Variants in RABL3 observed in about 807,000 individuals in gnomAD.
RABL3 encodes RAB, member of RAS oncogene family like 3.
RABL3 carries 31 observed loss-of-function variants against 31.8 expected under a neutral mutation model. That is an observed-to-expected ratio of 0.97 (90% confidence interval 0.73 to 1.31). The LOEUF (loss-of-function observed/expected upper bound fraction) is 1.31. Ranked by LOEUF, RABL3 falls within the 40% of genes most tolerant of loss-of-function variation. RABL3 has a pLI of 0.00. For missense variants in RABL3, 263 were observed against 279.6 expected (o/e 0.94, Z 0.42); for synonymous variants, 97 against 99.9 (o/e 0.97, Z 0.18).
upstream of RABL3, chr3:120,742,667 C>T (rs540992887): frequency 1.4e-5 from 10 of 704,936 alleles, no homozygotes; most frequent in Admixed American, 1.5e-4. Flanking sequence ...TAAAAGGTAG[C>T]GGGGTGCTTC....
At chr3:120,723,464 C>T (rs891071769) in intron 2 of RABL3, among the ~76,000 whole-genome samples, 1 of 152,158 alleles carries the variant, frequency 6.6e-6, no homozygotes, top group African/African-American at 2.4e-5. Context: ...CAGCATCATC[C>T]TGATACCAAA....
intron 1 of RABL3, among the ~76,000 whole-genome samples, chr3:120,736,325 T>C (rs922973248): frequency 6.6e-6 from 1 of 152,238 alleles, no homozygotes; most frequent in African/African-American, 2.4e-5. Context: ...TTTTGATCTT[T>C]GTTGTTTAAA....
chr3:120,705,751 A>G (rs1318033222), intron 4 of RABL3, among the ~76,000 whole-genome samples: 6 of 152,228 alleles, frequency 3.9e-5, no homozygotes, highest in Non-Finnish European at 1.5e-5. Context: ...GAAAACCTGC[A>G]TCATCTAGGA....
intron 1 of RABL3, among the ~76,000 whole-genome samples, chr3:120,737,351 T>G (rs1404337886): frequency 6.6e-6 from 1 of 152,220 alleles, no homozygotes; most frequent in Non-Finnish European, 1.5e-5. Flanking sequence ...ACGTAGTTCT[T>G]GTGCCATGGT....
intron 5 of RABL3, among the ~76,000 whole-genome samples, chr3:120,695,295 G>C (rs2107575658): frequency 6.6e-6 from 1 of 152,144 alleles, no homozygotes; most frequent in South Asian, 2.1e-4. Context: ...ACAAAAAAGA[G>C]AGGCTACAAC....
rs1559827274 is a variant in RABL3, at chr3:120,742,487, C to CA, written c.20dup (p.Lys8GlufsTer42). 2 of 1,614,222 alleles carry CA rather than the reference C, an allele frequency of 1.2e-6. No homozygotes were observed. The highest frequency in any genetic ancestry group is 1.7e-6 in the Non-Finnish European group (2 of 1,180,028). ...CTGAGTCTCCCAACACCAGTACCTTCACCCGATCCAGGGACGCCATCTTGC... is the reference window on the plus strand; with the variant it reads ...CTGAGTCTCCCAACACCAGTACCTTCAACCCGATCCAGGGACGCCATCTTGC... On this transcript the variant is annotated frameshift_variant, in exon 1 of 8. Coordinates refer to ENST00000273375, the MANE Select transcript of RABL3 (RefSeq NM_173825.5). LOFTEE classifies it high-confidence loss of function.
At chr3:120,726,007 G>C (rs6772101) in intron 2 of RABL3, among the ~76,000 whole-genome samples, 29,969 of 151,742 alleles carry the variant, frequency 0.2, 4,616 homozygotes, top group East Asian at 0.48. Flanking sequence ...TTATGGAGGC[G>C]GGGGTCTCAC....
chr3:120,708,624 G>GTT (rs1229946243), intron 3 of RABL3, among the ~76,000 whole-genome samples: 5 of 151,816 alleles, frequency 3.3e-5, no homozygotes, highest in African/African-American at 4.8e-5. Context: ...TCTCTAAGAG[G>GTT]TCACCTCACA....
intron 2 of RABL3, among the ~76,000 whole-genome samples, chr3:120,725,668 A>T (rs563466869): frequency 2.0e-5 from 3 of 152,186 alleles, no homozygotes; most frequent in South Asian, 2.1e-4. Context: ...GAAGCTGGAA[A>T]CCATCATTCT....
intron 2 of RABL3, among the ~76,000 whole-genome samples, chr3:120,715,487 A>T (rs2107585750): frequency 6.6e-6 from 1 of 152,262 alleles, no homozygotes; most frequent in East Asian, 1.9e-4. Flanking sequence ...CAGTGAGCCG[A>T]TATGGTGCCA....
chr3:120,730,616 AGTACT>A, intron 2 of RABL3, 75 bp downstream of exon 2: 2 of 941,878 alleles, frequency 2.1e-6, no homozygotes. Context: ...TCTTGACCAT[AGTACT>A]GTAATTTGAT....
At chr3:120,713,032 A>AT (rs1299540145) in intron 2 of RABL3, among the ~76,000 whole-genome samples, 12 of 151,538 alleles carry the variant, frequency 7.9e-5, no homozygotes, top group African/African-American at 2.2e-4. Flanking sequence ...GCAGTACACC[A>AT]TTTTTTTTCT....
chr3:120,689,641 G>C lies in RABL3; in HGVS notation c.*182C>G, dbSNP rs905741378. 3 of 541,208 alleles carry C rather than the reference G, an allele frequency of 5.5e-6. No homozygotes were observed. Among genetic ancestry groups the C allele is most frequent in the African/African-American group, 1.9e-5 (1 of 53,042 alleles). 33.5% of individuals were successfully genotyped at this position (541,208 alleles called of 1,614,324 possible). On this transcript the variant is annotated 3_prime_UTR_variant, in exon 8 of 8. Transcript: ENST00000273375. ...AGAAAGGTAAGGAACACAGAGAACA[G>C]GGACAAAGTTTGGACCTCCCGTATT... is the stretch of plus-strand genomic sequence containing the variant.
intron 2 of RABL3, chr3:120,722,498 C>T (rs1474882172): frequency 1.3e-5 from 2 of 152,156 alleles, no homozygotes; most frequent in African/African-American, 4.8e-5. Flanking sequence ...GATGCCACAT[C>T]CCCTATAACA....
At chr3:120,723,566 C>T (rs531170296) in intron 2 of RABL3, among the ~76,000 whole-genome samples, 2 of 152,186 alleles carry the variant, frequency 1.3e-5, no homozygotes, top group East Asian at 1.9e-4. Flanking sequence ...ACTGGCAAAC[C>T]GAATCCAGCA....
At chr3:120,704,331 A>G (rs1034244402) in intron 4 of RABL3, among the ~76,000 whole-genome samples, 12 of 152,244 alleles carry the variant, frequency 7.9e-5, no homozygotes, top group African/African-American at 2.9e-4. Context: ...GTCCATATCA[A>G]TTGATGCAGA....
chr3:120,721,124 T>G (rs1028865917), intron 2 of RABL3, among the ~76,000 whole-genome samples: 6 of 152,056 alleles, frequency 3.9e-5, no homozygotes, highest in African/African-American at 7.2e-5. Flanking sequence ...ACTTTACAGA[T>G]AAGCAAATGC....
At chr3:120,715,549 A>G (rs1244110409) in intron 2 of RABL3, among the ~76,000 whole-genome samples, 1 of 152,040 alleles carries the variant, frequency 6.6e-6, no homozygotes, top group Non-Finnish European at 1.5e-5. Context: ...AATAATAATA[A>G]TAATAATAAA....
chr3:120,709,320 C>T (rs917902514), intron 3 of RABL3, among the ~76,000 whole-genome samples: 1 of 151,748 alleles, frequency 6.6e-6, no homozygotes, highest in East Asian at 1.9e-4. Flanking sequence ...CCATAAAGAC[C>T]CCCTTAAGCA....
Sources: allele counts gnomAD v4.1 joint callset (sites outside exome capture counted in the v4.1 genomes callset), GRCh38; gene constraint gnomAD v4.1.1; transcripts MANE v1.5; gene names NCBI Gene and HGNC (gene_info 2026-07-23, HGNC 2026-07-21).